The following AGAP1 variants were observed in gnomAD, a reference collection of about 807,000 sequenced individuals.
AGAP1 encodes the protein ArfGAP with GTPase domain, ankyrin repeat and PH domain 1.
Under a neutral mutation model 105.3 loss-of-function variants are expected in AGAP1, and 29 were observed. The ratio of observed to expected loss-of-function variants is 0.28; its 90% confidence interval spans 0.21 to 0.38. The LOEUF is 0.38. Ranked by LOEUF, AGAP1 falls within the 10% of genes least tolerant of loss-of-function variation. AGAP1 has a pLI of 1.00. For missense variants in AGAP1, 998 were observed against 1,165.1 expected, an observed-to-expected ratio of 0.86 and a Z score of 2.09; for synonymous variants, 509 against 485.9, an observed-to-expected ratio of 1.05 and a Z score of -0.63.
intron 6 of AGAP1, among the ~76,000 whole-genome samples, chr2:235,758,354 T>C (rs1954111453): frequency 6.6e-6 from 1 of 152,156 alleles, no homozygotes; most frequent in South Asian, 2.1e-4. Flanking sequence ...TGTAGGATAG[T>C]GGATCTTATT....
rs1484598130 is a variant in AGAP1, at chr2:236,058,676, A to G, written c.2114+9395A>G. 4.6e-5 allele frequency among the ~76,000 whole-genome samples: 7 copies of G among 152,224 alleles called. No homozygotes were observed. On this transcript the variant is annotated intron_variant, in intron 16 of 17. Transcript: ENST00000304032. The surrounding 1 kb of genome is among the most constrained non-coding windows in gnomAD (Gnocchi z 4.6). ...CCCTAAGATCACAAACAAGACAAGA[A>G]TGTCACCAGATCTGTTCAGCATTAT...
intron 12 of AGAP1, among the ~76,000 whole-genome samples, chr2:235,946,284 CT>C (rs34759426): frequency 0.1 from 11,593 of 113,890 alleles, 869 homozygotes; most frequent in African/African-American, 0.3. Context: ...GCTTTTTTTC[CT>C]TTTTTTTTTT....
Position 235,716,563 on chromosome 2 carries a change from G to A in AGAP1, c.223-994G>A, listed in dbSNP as rs568856299. On this transcript the variant is annotated intron_variant, in intron 2 of 17. Transcript: ENST00000304032. The surrounding 1 kb of genome is among the most constrained non-coding windows in gnomAD (Gnocchi z 4.0). ...TAATGAGCACCTGTGCCTGGGGATG[G>A]GTGCCTTGTGATGTTTTGGGCTTTT... Among the ~76,000 whole-genome samples the A allele has an allele frequency of 4.6e-5, 7 of 152,260 alleles. 1 individual carries two copies. In the South Asian group the frequency reaches 1.5e-3, roughly 32 times the overall value.
At chr2:236,029,436 C>G (rs901044062) in intron 13 of AGAP1, among the ~76,000 whole-genome samples, 2 of 120,462 alleles carry the variant, frequency 1.7e-5, no homozygotes, top group African/African-American at 7.5e-5. Flanking sequence ...CCACCACACC[C>G]AGCCATTTTT....
At chr2:235,804,590 T>A (rs1957746508) in intron 8 of AGAP1, among the ~76,000 whole-genome samples, 1 of 152,244 alleles carries the variant, frequency 6.6e-6, no homozygotes, top group Non-Finnish European at 1.5e-5. Flanking sequence ...GATGCGCTTG[T>A]TCCTGTAGGC....
rs1443092975 is a variant in AGAP1 at position 235,788,870 on chromosome 2, C to T, written c.674-8889C>T. On this transcript the variant is annotated intron_variant, in intron 6 of 17. Coordinates refer to ENST00000304032, the MANE Select transcript of AGAP1 (RefSeq NM_001037131.3). The surrounding 1 kb of genome is among the most constrained non-coding windows in gnomAD (Gnocchi z 6.0). ...TTTCGGCATCTCTCAGTGGGGTGAA[C>T]GTTTGCATGTTGGTGCTTCTGAACA... Among the ~76,000 whole-genome samples the T allele has an allele frequency of 2.6e-5, 4 of 152,140 alleles. No individual in the cohort carries two copies. The highest frequency in any genetic ancestry group is 9.7e-5 in the African/African-American group (4 of 41,438).
In AGAP1 at chr2:235,970,206, TAAAAAAA is replaced by T. The variant is rs35825564; in HGVS notation, c.1645+1599_1645+1605del. ...GGGCGACAGAGTGAGACTCTGTCTT[TAAAAAAA>T]AAAAAAAAAAAAAAAGACGATTTTT... On this transcript the variant is annotated intron_variant, in intron 13 of 17. Transcript: ENST00000304032. This position sits in a 1 kb window ranked among gnomAD's most constrained non-coding sequence, Gnocchi z 5.4. Among the ~76,000 whole-genome samples the T allele has an allele frequency of 5.1e-5, 6 of 117,882 alleles. No individual in the cohort carries two copies. The East Asian group carries it at 7.5e-4, about 15-fold the overall frequency. 77.3% of individuals were successfully genotyped at this position (117,882 alleles called of 152,430 possible). A position where few individuals can be genotyped will look rare whatever the true frequency, so the allele number is the denominator to read the frequency against.
intron 9 of AGAP1, among the ~76,000 whole-genome samples, chr2:235,837,461 G>A (rs977818108): frequency 6.6e-6 from 1 of 152,170 alleles, no homozygotes; most frequent in African/African-American, 2.4e-5. Context: ...AGGTGGGGAG[G>A]GCTGCTAGGT....
At chr2:235,823,761 C>A (rs1036527573) in intron 9 of AGAP1, among the ~76,000 whole-genome samples, 3 of 152,222 alleles carry the variant, frequency 2.0e-5, no homozygotes, top group Non-Finnish European at 4.4e-5. Flanking sequence ...GCTGTTTTAT[C>A]TGTTTTTTTA....
rs550492909 is a variant in AGAP1 at position 235,518,266 on chromosome 2, A to G, written c.163+23417A>G. Among the ~76,000 whole-genome samples, 4 of 152,322 alleles carry G rather than the reference A, an allele frequency of 2.6e-5. No individual in the cohort carries two copies. The South Asian group carries it at 8.3e-4, about 32-fold the overall frequency. On this transcript the variant is annotated intron_variant, in intron 1 of 17. Transcript: ENST00000304032. The stretch of plus-strand genomic sequence containing the variant: ...ACACTGTTTGATTGATTGGATGCTT[A>G]TCAGGAATCTCAAAACCCAGCTTTG...
rs1039589230 is a variant in AGAP1, at chr2:235,845,802, C to T, written c.1051-37543C>T. On this transcript the variant is annotated intron_variant, in intron 9 of 17. Transcript: ENST00000304032. The surrounding 1 kb of genome is among the most constrained non-coding windows in gnomAD (Gnocchi z 4.8). The stretch of plus-strand genomic sequence containing the variant: ...CTTTCTTCCTGAGCATCTGTCCCGT[C>T]GTGCCCTCCGAAGGAGTCATGCATG... 2.0e-5 allele frequency among the ~76,000 whole-genome samples: 3 copies of T among 151,992 alleles called. No homozygotes were observed. The East Asian group carries it at 5.8e-4, about 29-fold the overall frequency.
At chr2:235,861,145 A>G (rs562755138) in intron 9 of AGAP1, among the ~76,000 whole-genome samples, 1 of 152,334 alleles carries the variant, frequency 6.6e-6, no homozygotes, top group African/African-American at 2.4e-5. Flanking sequence ...TTGCTGATAC[A>G]ATATTTGCAG....
intron 1 of AGAP1, among the ~76,000 whole-genome samples, chr2:235,588,506 G>A (rs1945208979): frequency 6.6e-6 from 1 of 151,908 alleles, no homozygotes; most frequent in Admixed American, 6.6e-5. Flanking sequence ...GGTCATATCT[G>A]GCCTCTCACA....
chr2:235,766,275 C>T (rs1022049287), intron 6 of AGAP1, among the ~76,000 whole-genome samples: 9 of 152,298 alleles, frequency 5.9e-5, no homozygotes, highest in Admixed American at 2.6e-4. Flanking sequence ...TTTCTGCATG[C>T]AACAGAATAT....
intron 1 of AGAP1, among the ~76,000 whole-genome samples, chr2:235,524,864 A>G (rs543999221): frequency 1.3e-5 from 2 of 152,312 alleles, no homozygotes; most frequent in South Asian, 4.1e-4. Flanking sequence ...ATTGTTGGAT[A>G]TTGCTCACCA....
In AGAP1 at chr2:235,865,170, C is replaced by T. The variant is rs2049100894; in HGVS notation, c.1051-18175C>T. Among the ~76,000 whole-genome samples, 1 of 152,290 alleles carries T rather than the reference C, an allele frequency of 6.6e-6. No homozygotes were observed. ...TTTATTATCCCAAATTACTGCTGAG[C>T]TCTGGAGAGGGGAGCAGTTTAGCCA... is the stretch of plus-strand genomic sequence containing the variant. On this transcript the variant is annotated intron_variant, in intron 9 of 17. Transcript: ENST00000304032. The surrounding 1 kb of genome is among the most constrained non-coding windows in gnomAD (Gnocchi z 6.2).
In AGAP1 at chr2:235,752,865, G is replaced by A. The variant is rs891666768; in HGVS notation, c.673+2377G>A. ...CTGGCTGCTCTAACAAGACCCAGTG[G>A]CTTATACAACAGACTTTTACTTGTC... On this transcript the variant is annotated intron_variant, in intron 6 of 17. Transcript: ENST00000304032. This position sits in a 1 kb window ranked among gnomAD's most constrained non-coding sequence, Gnocchi z 4.3. Among the ~76,000 whole-genome samples, 1 of 152,210 alleles carries A rather than the reference G, an allele frequency of 6.6e-6. No homozygotes were observed. Among genetic ancestry groups the A allele is most frequent in the Non-Finnish European group, 1.5e-5 (1 of 68,048 alleles).
chr2:235,507,275 C>T (rs2292756), intron 1 of AGAP1: 69,041 of 152,294 alleles, frequency 0.45, 16,633 homozygotes, highest in Admixed American at 0.56. Context: ...GTTATGAATC[C>T]GTGTTTAGGA....
intron 1 of AGAP1, among the ~76,000 whole-genome samples, chr2:235,702,760 G>C (rs921416678): frequency 6.6e-6 from 1 of 151,994 alleles, no homozygotes; most frequent in African/African-American, 2.4e-5. Context: ...AGTAGCACAT[G>C]TGCCTGTCTC....
Sources: allele counts gnomAD v4.1 joint callset (sites outside exome capture counted in the v4.1 genomes callset), GRCh38; gene constraint gnomAD v4.1.1; non-coding constraint Gnocchi (gnomAD v3.1); transcripts MANE v1.5; gene names NCBI Gene and HGNC (gene_info 2026-07-23, HGNC 2026-07-21).